The following SMC4 variants were observed in gnomAD, a reference collection of about 807,000 sequenced individuals.
The protein encoded by SMC4 is structural maintenance of chromosomes 4, also known as structural maintenance of chromosomes protein 4.
In SMC4, 87 loss-of-function variants were observed where a neutral mutation model predicts 145.6. The ratio of observed to expected loss-of-function variants is 0.60; its 90% confidence interval spans 0.50 to 0.71. The LOEUF (loss-of-function observed/expected upper bound fraction) is 0.71. Ranked by LOEUF, SMC4 falls within the 30% of genes least tolerant of loss-of-function variation. SMC4 has a pLI of 0.00. For synonymous variants in SMC4, 558 were observed against 500.7 expected, an observed-to-expected ratio of 1.11 and a Z score of -1.53; for missense variants, 1,447 against 1,537.1, an observed-to-expected ratio of 0.94 and a Z score of 0.98.
At chr3:160,404,560 A>G in intron 5 of SMC4, 56 bp downstream of exon 5, 1 of 1,557,548 alleles carries the variant, frequency 6.4e-7, no homozygotes, top group Non-Finnish European at 8.8e-7. Context: ...TTTTTTCTAT[A>G]AAGCTAGGTT....
chr3:160,411,497 T>G (rs1463413488), intron 5 of SMC4, among the ~76,000 whole-genome samples: 1 of 152,180 alleles, frequency 6.6e-6, no homozygotes, highest in East Asian at 1.9e-4. Context: ...AATTCTTTGT[T>G]TTAGAACAGG....
At chr3:160,430,855 T>C (rs1718327519) in intron 19 of SMC4, 112 bp downstream of exon 19, 2 of 1,304,136 alleles carry the variant, frequency 1.5e-6, no homozygotes, top group Non-Finnish European at 2.1e-6. Context: ...CTTAAAGTTT[T>C]ATAACTATCA....
At position 160,431,220 on chromosome 3, in the gene SMC4, G is replaced by T; in HGVS notation, c.3114+15G>T. On this transcript the variant is annotated intron_variant, in intron 20 of 23. Coordinates refer to ENST00000357388, the MANE Select transcript of SMC4 (RefSeq NM_001002800.3). ...GGCACAAAGAGGTGAGATTGTTACC[G>T]TTTAGTTTAATTTTAAACATATTCT... 3 of 1,550,462 alleles carry T rather than the reference G, an allele frequency of 1.9e-6. No individual in the cohort carries two copies. Among genetic ancestry groups the T allele is most frequent in the Non-Finnish European group, 2.6e-6 (3 of 1,151,638 alleles).
chr3:160,417,291 A>G (rs1716686884), intron 10 of SMC4, among the ~76,000 whole-genome samples: 1 of 152,154 alleles, frequency 6.6e-6, no homozygotes, highest in African/African-American at 2.4e-5. Flanking sequence ...ACATGTTCTA[A>G]TGTCAGATTA....
chr3:160,416,584 G>T, intron 10 of SMC4, 169 bp downstream of exon 10: 1 of 395,320 alleles, frequency 2.5e-6, no homozygotes. Context: ...TTTAATTCCT[G>T]CTGACATGTT....
rs746849137 is a variant in SMC4 at position 160,411,922 on chromosome 3, T to G, written c.690T>G (p.Gly230=). The part of the protein sequence containing the change: ...LDHNRFLILQ[G]EVEQIAMMKP... ...TGAAATATAACTTTTTTTTAAAGGGTGAAGTTGAACAAATTGCTATGATGA... is the reference window on the plus strand; with the variant it reads ...TGAAATATAACTTTTTTTTAAAGGGGGAAGTTGAACAAATTGCTATGATGA... Residue 230 remains glycine, a splice_region_variant and synonymous_variant, in exon 6 of 24, where the codon GGT becomes GGG. Transcript: ENST00000357388. 5 of 1,611,372 alleles carry G rather than the reference T, an allele frequency of 3.1e-6. No individual in the cohort carries two copies. Among genetic ancestry groups the G allele is most frequent in the Non-Finnish European group, 4.2e-6 (5 of 1,178,724 alleles).
In SMC4 at chr3:160,431,054, AAG is replaced by A. The variant is rs1232857497; in HGVS notation, c.2965_2966del (p.Glu989ThrfsTer15). On this transcript the variant is annotated frameshift_variant, in exon 20 of 24. Coordinates refer to ENST00000357388, the MANE Select transcript of SMC4 (RefSeq NM_001002800.3). LOFTEE classifies it high-confidence loss of function. ...TAGGAATCCTTACCAGAGATCCAGAAAGAACATCGCAATCTGCTTCAAGAATT... is the reference window on the plus strand; with the variant it reads ...TAGGAATCCTTACCAGAGATCCAGAAAACATCGCAATCTGCTTCAAGAATT... The A allele has an allele frequency of 6.2e-7, 1 of 1,602,498 alleles. No individual in the cohort carries two copies.
chr3:160,432,308 C>T lies in SMC4; in HGVS notation c.3323C>T (p.Ala1108Val). Residue 1108 changes from alanine to valine, a missense_variant, in exon 22 of 24, where the codon GCA becomes GTA. By Grantham distance (64) the Ala-to-Val change is moderately conservative. Transcript: ENST00000357388. ...KKEELYLQRV[A>V]ELDKITYERD... ...GAAGAATTGTATTTGCAACGGGTAG[C>T]AGAATTGGACAAAATTACTTATGAA... The T allele has an allele frequency of 6.2e-7, 1 of 1,608,846 alleles. No individual in the cohort carries two copies. Among genetic ancestry groups the T allele is most frequent in the Non-Finnish European group, 8.5e-7 (1 of 1,178,396 alleles).
chr3:160,410,586 CTT>C (rs1393087426), intron 5 of SMC4, among the ~76,000 whole-genome samples: 3 of 152,096 alleles, frequency 2.0e-5, no homozygotes, highest in African/African-American at 7.2e-5. Flanking sequence ...TGGAAAATAA[CTT>C]TTGGGGTAAC....
intron 17 of SMC4, 149 bp from the exon 18 acceptor site, chr3:160,428,604 G>GTT (rs200972496): frequency 1.3e-3 from 701 of 529,522 alleles, no homozygotes; most frequent in East Asian, 5.2e-3. Flanking sequence ...ACAGGATATC[G>GTT]TTTTTTTTTT....
intron 12 of SMC4, 78 bp downstream of exon 12, chr3:160,419,621 C>G (rs1716956922): frequency 7.6e-7 from 1 of 1,322,272 alleles, no homozygotes; most frequent in Non-Finnish European, 1.0e-6. Context: ...CCTTGACAAC[C>G]ATATTTCAAG....
At position 160,416,426 on chromosome 3, in the gene SMC4, T is replaced by A; in HGVS notation, c.1437+11T>A. On this transcript the variant is annotated intron_variant, in intron 10 of 23. Coordinates refer to ENST00000357388, the MANE Select transcript of SMC4 (RefSeq NM_001002800.3). ...CAGAAAGAAAAAGAAGTAAGTTTTT[T>A]TTTTTTATCAGTGTTTATTTTGGTG... 6.8e-7 allele frequency: 1 copy of A among 1,460,946 alleles called. No homozygotes were observed. Among genetic ancestry groups the A allele is most frequent in the Non-Finnish European group, 9.1e-7 (1 of 1,100,726 alleles). 90.5% of individuals were successfully genotyped at this position (1,460,946 alleles called of 1,614,324 possible). A position where few individuals can be genotyped will look rare whatever the true frequency, so the allele number is the denominator to read the frequency against.
At chr3:160,417,646 T>C in intron 10 of SMC4, 77 bp from the exon 11 acceptor site, 1 of 1,126,938 alleles carries the variant, frequency 8.9e-7, no homozygotes, top group African/African-American at 1.6e-5. Context: ...AAATCGAATA[T>C]AAAATGTATG....
rs1469020141 is a variant in SMC4 at position 160,415,357 on chromosome 3, T to C, written c.1272+840T>C. Among the ~76,000 whole-genome samples, 3 of 152,226 alleles carry C rather than the reference T, an allele frequency of 2.0e-5. No individual in the cohort carries two copies. The East Asian group carries it at 5.8e-4, about 29-fold the overall frequency. ...CAGCCTGGGTGACAAAGTGAGACTC[T>C]GTGTCTTAAAGAGAGATAGGAAAGC... On this transcript the variant is annotated intron_variant, in intron 9 of 23. Transcript: ENST00000357388.
intron 5 of SMC4, among the ~76,000 whole-genome samples, chr3:160,409,009 G>A (rs1170729349): frequency 6.6e-6 from 1 of 152,020 alleles, no homozygotes; most frequent in Non-Finnish European, 1.5e-5. Flanking sequence ...TAAGACTGCT[G>A]TAATCCCAGC....
chr3:160,415,345 A>T (rs1046345753), intron 9 of SMC4, among the ~76,000 whole-genome samples: 12 of 152,232 alleles, frequency 7.9e-5, no homozygotes, highest in African/African-American at 2.9e-4. Context: ...CCTGGGTGAC[A>T]AAGTGAGACT....
intron 5 of SMC4, 161 bp from the exon 6 acceptor site, chr3:160,411,759 A>AAC (rs1227433354): frequency 5.7e-6 from 3 of 527,732 alleles, no homozygotes; most frequent in African/African-American, 5.6e-5. Flanking sequence ...CAGTGAAAAT[A>AAC]ACATTTTTAT....
Position 160,431,782 on chromosome 3 carries a change from A to C in SMC4, c.3254A>C (p.Glu1085Ala). ...GCACTTTTGGAAGCCCGGTGTCATGAAATGAAACCAAACCTCGGTGCCATC... is the reference window on the plus strand; with the variant it reads ...GCACTTTTGGAAGCCCGGTGTCATGCAATGAAACCAAACCTCGGTGCCATC... ...QIALLEARCH[E>A]MKPNLGAIAE... The change falls in exon 21 of 24, where the codon GAA (glutamate) becomes GCA (alanine). Residue 1085 changes from glutamate to alanine, a missense_variant. Glu to Ala is a moderately radical substitution (Grantham distance 107). Coordinates refer to ENST00000357388, the MANE Select transcript of SMC4 (RefSeq NM_001002800.3). The C allele has an allele frequency of 6.2e-7, 1 of 1,613,904 alleles. No homozygotes were observed. Among genetic ancestry groups the C allele is most frequent in the Non-Finnish European group, 8.5e-7 (1 of 1,179,966 alleles).
Position 160,420,790 on chromosome 3 carries a change from T to C in SMC4, c.1908T>C (p.Cys636=), listed in dbSNP as rs1478641432. The C allele has an allele frequency of 1.2e-6, 2 of 1,614,060 alleles. No individual in the cohort carries two copies. The highest frequency in any genetic ancestry group is 3.3e-5 in the Admixed American group (2 of 59,996). ...AATACGACGTGGCTATATCATCCTGTTGTCATGCACTGGACTACATTGTTG... is the reference window on the plus strand; with the variant it reads ...AATACGACGTGGCTATATCATCCTGCTGTCATGCACTGGACTACATTGTTG... The part of the protein sequence containing the change: ...DEKYDVAISS[C]CHALDYIVVD... Residue 636 remains cysteine (C), a synonymous_variant, in exon 13 of 24, where the codon TGT becomes TGC. Transcript: ENST00000357388.
Sources: allele counts gnomAD v4.1 joint callset (sites outside exome capture counted in the v4.1 genomes callset), GRCh38; gene constraint gnomAD v4.1.1; transcripts MANE v1.5; gene names NCBI Gene and HGNC (gene_info 2026-07-23, HGNC 2026-07-21).